Variants in LTF observed in about 807,000 individuals in gnomAD.
LTF encodes the protein epididymis luminal protein 110.
Under a neutral mutation model 87.2 loss-of-function variants are expected in LTF, and 91 were observed. The ratio of observed to expected loss-of-function variants is 1.04; its 90% CI spans 0.88 to 1.24. LTF has a LOEUF of 1.24. Among genes scored for constraint, LTF ranks in the 50% most tolerant of loss-of-function variants. The probability of loss-of-function intolerance (pLI) is 0.00; values close to 1 mark genes in which losing one functional copy is unlikely to be tolerated. For synonymous variants in LTF, 378 were observed against 356.1 expected, an observed-to-expected ratio of 1.06 and a Z score of -0.69; for missense variants, 901 against 904.3, an observed-to-expected ratio of 1.00 and a Z score of 0.05.
chr3:46,447,830 C>T (rs1038774711), intron 9 of LTF, among the ~76,000 whole-genome samples: 1 of 152,112 alleles, frequency 6.6e-6, no homozygotes, highest in African/African-American at 2.4e-5. Flanking sequence ...TGGCCCACCA[C>T]CAGAATGAAC....
intron 1 of LTF, among the ~76,000 whole-genome samples, chr3:46,470,777 C>G (rs1471916538): frequency 6.6e-6 from 1 of 152,226 alleles, no homozygotes; most frequent in African/African-American, 2.4e-5. Flanking sequence ...CCACCCTAAA[C>G]AGCTCCCTGG....
intron 8 of LTF, 33 bp from the exon 9 acceptor site, chr3:46,449,050 A>G (rs745915438): frequency 1.1e-5 from 18 of 1,579,358 alleles, no homozygotes; most frequent in Non-Finnish European, 1.5e-5. Context: ...TGGCTGGGCA[A>G]CCTGAGCTTT....
intron 11 of LTF, among the ~76,000 whole-genome samples, 177 bp downstream of exon 11, chr3:46,446,263 A>G (rs537769578): frequency 6.6e-5 from 10 of 152,294 alleles, no homozygotes; most frequent in Non-Finnish European, 1.5e-4. Flanking sequence ...AGGTCAATAT[A>G]AACATTAATT....
In LTF at chr3:46,446,447, A is replaced by G. The variant is rs1319197539; in HGVS notation, c.1350T>C (p.Pro450=). The G allele has an allele frequency of 1.2e-6, 2 of 1,613,064 alleles. No individual in the cohort carries two copies. Among genetic ancestry groups the G allele is most frequent in the South Asian group, 2.2e-5 (2 of 90,798 alleles). Reference sequence around the variant, plus strand: ...TGGCTAATGCCAACTCACCTTCCACAGGTCTATCCACACAGTTAGGATCAG... The same window carrying G: ...TGGCTAATGCCAACTCACCTTCCACGGGTCTATCCACACAGTTAGGATCAG... The part of the protein sequence containing the change: ...SDPDPNCVDR[P]VEGYLAVAVV... The change falls in exon 11 of 17, where the codon CCT becomes CCC. Residue 450 remains proline (P), a synonymous_variant. Coordinates refer to ENST00000231751, the MANE Select transcript of LTF (RefSeq NM_002343.6).
chr3:46,467,948 G>A (rs1025170972), upstream of LTF, among the ~76,000 whole-genome samples: 48 of 152,152 alleles, frequency 3.2e-4, no homozygotes, highest in African/African-American at 1.1e-3. Flanking sequence ...TTAATGCATC[G>A]AAAATGCAAC....
upstream of LTF, among the ~76,000 whole-genome samples, chr3:46,466,889 T>C (rs965733619): frequency 3.9e-5 from 6 of 152,220 alleles, no homozygotes; most frequent in South Asian, 2.1e-4. Context: ...TGTCTCTTTT[T>C]CTGAGTCCAA....
intron 13 of LTF, 153 bp from the exon 14 acceptor site, chr3:46,441,636 T>C (rs1320272916): frequency 3.2e-6 from 2 of 624,328 alleles, no homozygotes; most frequent in African/African-American, 1.9e-5. Context: ...CAGCGGCAGA[T>C]TGAACACAGG....
At chr3:46,469,970 C>A (rs1703262590) in intron 2 of LTF, among the ~76,000 whole-genome samples, 1 of 152,182 alleles carries the variant, frequency 6.6e-6, no homozygotes, top group Non-Finnish European at 1.5e-5. Flanking sequence ...TCCCTCCCCT[C>A]ACCTAACCCT....
chr3:46,482,717 AGAAAGAAAGG>A, intron 1 of LTF, among the ~76,000 whole-genome samples: 1 of 93,626 alleles, frequency 1.1e-5, no homozygotes, highest in Admixed American at 1.1e-4. Context: ...AGAAAGAAAG[AGAAAGAAAGG>A]AAGGAAGGAA....
At chr3:46,449,455 GC>G (rs1702742833) in intron 8 of LTF, among the ~76,000 whole-genome samples, 1 of 151,796 alleles carries the variant, frequency 6.6e-6, no homozygotes, top group African/African-American at 2.4e-5. Context: ...CCCACCCCCA[GC>G]CCCCCAGTAG....
chr3:46,483,094 A>T (rs368377703), intron 1 of LTF, among the ~76,000 whole-genome samples: 2 of 152,204 alleles, frequency 1.3e-5, no homozygotes, highest in African/African-American at 4.8e-5. Flanking sequence ...GAGATGAATG[A>T]TATTCCACTG....
rs78007475 is a variant in LTF, at chr3:46,473,059, T to C, written c.-319-2593A>G. Among the ~76,000 whole-genome samples the C allele has an allele frequency of 7.3e-3, 1,115 of 152,236 alleles. 18 individuals carry two copies. Among genetic ancestry groups the C allele is most frequent in the African/African-American group, 0.025 (1,029 of 41,544 alleles). ...CTTCCTCCATCCTGCCTCTTGCGCC[T>C]GCCTGTTCCTTTCCATTCCATGGTC... On this transcript the variant is annotated intron_variant, in intron 1 of 19. Coordinates refer to the LTF transcript ENST00000443496.
chr3:46,483,495 A>G (rs1181627726), intron 1 of LTF, among the ~76,000 whole-genome samples: 2 of 152,232 alleles, frequency 1.3e-5, no homozygotes. Context: ...CATGCATAGT[A>G]TTGAGCATAA....
intron 2 of LTF, among the ~76,000 whole-genome samples, chr3:46,456,990 T>C (rs1317159078): frequency 6.6e-6 from 1 of 152,200 alleles, no homozygotes; most frequent in South Asian, 2.1e-4. Context: ...CATTGGATTC[T>C]CATAGGGAGT....
upstream of LTF, chr3:46,469,601 G>A (rs1280448103): frequency 6.6e-6 from 1 of 152,578 alleles, no homozygotes; most frequent in East Asian, 1.9e-4. Flanking sequence ...TCACCCTGAA[G>A]AGAGGGGCAG....
chr3:46,447,431 G>A, intron 9 of LTF, 33 bp from the exon 10 acceptor site: 1 of 1,482,570 alleles, frequency 6.7e-7, no homozygotes. Flanking sequence ...CAGCACCACA[G>A]TGAGGCTGCA....
At chr3:46,454,548 G>T (rs1221376184) in intron 5 of LTF, among the ~76,000 whole-genome samples, 188 bp from the exon 6 acceptor site, 2 of 152,232 alleles carry the variant, frequency 1.3e-5, no homozygotes, top group Non-Finnish European at 2.9e-5. Flanking sequence ...AATGACTCAG[G>T]TGCTAGCCAG....
chr3:46,467,341 C>T (rs966282993), upstream of LTF, among the ~76,000 whole-genome samples: 1 of 152,100 alleles, frequency 6.6e-6, no homozygotes, highest in Admixed American at 6.6e-5. Context: ...CACAGGAATG[C>T]ACTTCTATCA....
Position 46,438,068 on chromosome 3 carries a change from G to T in LTF, c.1970C>A (p.Thr657Asn). ...PDKFCLFQSE[T>N]KNLLFNDNTE... The stretch of plus-strand genomic sequence containing the variant: ...GTTGTCATTGAACAGAAGGTTTTTG[G>T]TTTCAGACTGGAATAAGCAAAACTT... The change falls in exon 16 of 17, where the codon ACC (threonine) becomes AAC (asparagine). Residue 657 changes from threonine to asparagine, a missense_variant. By Grantham distance (65) the Thr-to-Asn change is moderately conservative (BLOSUM62 0). Transcript: ENST00000231751. 6.2e-7 allele frequency: 1 copy of T among 1,614,008 alleles called. No homozygotes were observed. Among genetic ancestry groups the T allele is most frequent in the South Asian group, 1.1e-5 (1 of 91,058 alleles).
Sources: allele counts gnomAD v4.1 joint callset (sites outside exome capture counted in the v4.1 genomes callset), GRCh38; gene constraint gnomAD v4.1.1; transcripts MANE v1.5; gene names NCBI Gene and HGNC (gene_info 2026-07-23, HGNC 2026-07-21).